AMPH: variants seen among roughly 807,000 people sequenced by gnomAD.
AMPH encodes the protein amphiphysin (Stiff-Mann syndrome with breast cancer 128kD autoantigen).
A neutral mutation model predicts 99.1 loss-of-function variants in AMPH; 49 were observed. That is an observed-to-expected ratio of 0.49 (90% CI 0.39 to 0.63). The LOEUF is 0.63. AMPH is among the 20% of genes least tolerant of loss of function. AMPH has a pLI of 0.00. For synonymous variants in AMPH, 314 were observed against 317.3 expected (o/e 0.99, Z 0.11); for missense variants, 759 against 863.4 (o/e 0.88, Z 1.52).
At chr7:38,485,711 A>G (rs974916031) in intron 5 of AMPH, among the ~76,000 whole-genome samples, 1 of 151,978 alleles carries the variant, frequency 6.6e-6, no homozygotes, top group African/African-American at 2.4e-5. Flanking sequence ...TTCAGTATAG[A>G]AAGTATGAAG....
intron 5 of AMPH, among the ~76,000 whole-genome samples, chr7:38,483,480 A>G (rs73120282): frequency 0.026 from 3,937 of 152,170 alleles, 75 homozygotes; most frequent in Admixed American, 0.054. Context: ...GCATCCAACG[A>G]TACAACCTTT....
At chr7:38,526,028 T>C (rs1790173577) in intron 2 of AMPH, among the ~76,000 whole-genome samples, 1 of 152,182 alleles carries the variant, frequency 6.6e-6, no homozygotes, top group African/African-American at 2.4e-5. Context: ...AGCCAAACTG[T>C]TTCCCACAGT....
rs140745864 is a variant in AMPH, at chr7:38,576,757, T to C, written c.70-41746A>G. 4.4e-3 allele frequency among the ~76,000 whole-genome samples: 664 copies of C among 152,328 alleles called. 2 individuals carry two copies. The highest frequency in any genetic ancestry group is 0.015 in the African/African-American group (628 of 41,572). ...AGAGATCTCACTTAAGTCTTTACTA[T>C]GTCTAACACAGGGACAATGTGCTAG... is the stretch of plus-strand genomic sequence containing the variant. On this transcript the variant is annotated intron_variant, in intron 1 of 20. Transcript: ENST00000356264.
intron 10 of AMPH, 32 bp downstream of exon 10, chr7:38,462,943 T>G: frequency 1.3e-6 from 2 of 1,522,054 alleles, no homozygotes; most frequent in African/African-American, 1.4e-5. Flanking sequence ...CATCATGAGC[T>G]CTATCCCCCA....
intron 1 of AMPH, among the ~76,000 whole-genome samples, chr7:38,609,328 G>A (rs1196761083): frequency 1.3e-5 from 2 of 152,138 alleles, no homozygotes; most frequent in Non-Finnish European, 2.9e-5. Context: ...TAACTTGGGT[G>A]CCAATAAAGG....
intron 11 of AMPH, among the ~76,000 whole-genome samples, chr7:38,441,396 C>A (rs1241165461): frequency 6.6e-6 from 1 of 152,060 alleles, no homozygotes; most frequent in Non-Finnish European, 1.5e-5. Context: ...ACACTTATAA[C>A]ATTCTATCCA....
chr7:38,419,015 T>C (rs1562740497), intron 16 of AMPH, among the ~76,000 whole-genome samples: 1 of 151,930 alleles, frequency 6.6e-6, no homozygotes, highest in Non-Finnish European at 1.5e-5. Context: ...CTAGTATGAT[T>C]CTTTCACTAA....
intron 1 of AMPH, among the ~76,000 whole-genome samples, chr7:38,572,983 G>A (rs1054011834): frequency 2.6e-4 from 39 of 152,202 alleles, no homozygotes; most frequent in African/African-American, 8.4e-4. Flanking sequence ...CTGCCTTGGT[G>A]TGGTAGCATC....
At chr7:38,407,048 CTATATATA>C (rs1200407336) in intron 17 of AMPH, among the ~76,000 whole-genome samples, 2 of 31,266 alleles carry the variant, frequency 6.4e-5, no homozygotes, top group African/African-American at 1.1e-4. Flanking sequence ...CTCTCTCTCT[CTATATATA>C]TATATATATA....
chr7:38,512,053 T>C (rs774480698), intron 2 of AMPH, among the ~76,000 whole-genome samples: 5 of 152,208 alleles, frequency 3.3e-5, no homozygotes, highest in Non-Finnish European at 5.9e-5. Flanking sequence ...TTGGGAAACT[T>C]TAATTTTTTT....
At chr7:38,607,902 A>G (rs1793489949) in intron 1 of AMPH, among the ~76,000 whole-genome samples, 1 of 152,206 alleles carries the variant, frequency 6.6e-6, no homozygotes, top group Non-Finnish European at 1.5e-5. Flanking sequence ...ATTTTCTTTT[A>G]GCTTCCCCCT....
Position 38,494,477 on chromosome 7 carries a change from C to T in AMPH, c.256G>A (p.Glu86Lys). ...TCTTCCCGCCCATACCAGTCAGGCT[C>T]ATAGACTTCATGCAGCGACTCTGTG... is the stretch of plus-strand genomic sequence containing the variant. ...KLTESLHEVY[E>K]PDWYGREDVK... Residue 86 changes from glutamate (E) to lysine (K), a missense_variant, in exon 4 of 21, where the codon GAG becomes AAG. Glu to Lys is a moderately conservative substitution (Grantham distance 56). Around this residue, in one of 2 missense-constraint regions of AMPH, gnomAD observed 205 missense variants for 287.9 expected, o/e 0.71. Coordinates refer to ENST00000356264, the MANE Select transcript of AMPH (RefSeq NM_001635.4). 1 of 1,613,250 alleles carries T rather than the reference C, an allele frequency of 6.2e-7. No individual in the cohort carries two copies. Among genetic ancestry groups the T allele is most frequent in the Non-Finnish European group, 8.5e-7 (1 of 1,179,514 alleles).
intron 7 of AMPH, among the ~76,000 whole-genome samples, chr7:38,467,780 T>C (rs753641279): frequency 2.0e-5 from 3 of 151,826 alleles, no homozygotes; most frequent in Admixed American, 6.6e-5. Context: ...TGATTACATA[T>C]CAAAAGTGAG....
chr7:38,583,884 C>G (rs946028425), intron 1 of AMPH, among the ~76,000 whole-genome samples: 1 of 152,176 alleles, frequency 6.6e-6, no homozygotes, highest in African/African-American at 2.4e-5. Flanking sequence ...AAAAATATCC[C>G]TAAAGAACCC....
intron 1 of AMPH, among the ~76,000 whole-genome samples, chr7:38,609,847 C>T (rs1793565150): frequency 6.6e-6 from 1 of 151,982 alleles, no homozygotes. Context: ...AGACAGCACT[C>T]AATAATCATT....
chr7:38,388,145 A>G (rs184354905), intron 20 of AMPH, among the ~76,000 whole-genome samples: 7 of 152,184 alleles, frequency 4.6e-5, no homozygotes, highest in African/African-American at 1.7e-4. Flanking sequence ...AAGACCAGAT[A>G]GAAACTCGGA....
chr7:38,617,489 G>A (rs945354738), intron 1 of AMPH, among the ~76,000 whole-genome samples: 16 of 152,202 alleles, frequency 1.1e-4, no homozygotes, highest in African/African-American at 3.4e-4. Flanking sequence ...CGTGCACCAC[G>A]CATTTATGTT....
At chr7:38,519,513 T>C (rs1224339436) in intron 2 of AMPH, among the ~76,000 whole-genome samples, 1 of 152,222 alleles carries the variant, frequency 6.6e-6, no homozygotes, top group Non-Finnish European at 1.5e-5. Context: ...AAAAATATTT[T>C]AAAATTGTAC....
chr7:38,430,930 G>A (rs1484149643), intron 13 of AMPH, among the ~76,000 whole-genome samples: 1 of 152,212 alleles, frequency 6.6e-6, no homozygotes, highest in Non-Finnish European at 1.5e-5. Flanking sequence ...TGTCAATTCA[G>A]AAGTGGCATT....
Sources: gnomAD v4.1 joint callset for allele counts (sites outside exome capture counted in the v4.1 genomes callset) on GRCh38, gnomAD v4.1.1 for gene constraint, gnomAD v4.1.1 regional missense constraint, MANE v1.5 for transcripts, NCBI Gene and HGNC (gene_info 2026-07-23, HGNC 2026-07-21) for gene names.